ERI1: variants seen among roughly 807,000 people sequenced by gnomAD.
The protein encoded by ERI1 is 3'-5' exoribonuclease 1.
ERI1 carries 39 observed loss-of-function variants against 39.7 expected under a neutral mutation model. That is an observed-to-expected ratio of 0.98 (90% CI 0.76 to 1.28). The LOEUF is 1.28. Among genes scored for constraint, ERI1 ranks in the 50% most tolerant of loss-of-function variants. The probability of loss-of-function intolerance (pLI) is 0.00; values close to 1 mark genes in which losing one functional copy is unlikely to be tolerated. For missense variants in ERI1, 581 were observed against 416.9 expected, an observed-to-expected ratio of 1.39 and a Z score of -3.43; for synonymous variants, 204 against 149.6, an observed-to-expected ratio of 1.36 and a Z score of -2.65.
intron 3 of ERI1, among the ~76,000 whole-genome samples, chr8:9,077,755 G>A (rs1448304350): frequency 3.3e-5 from 5 of 152,210 alleles, no homozygotes; most frequent in African/African-American, 1.2e-4. Context: ...TTCCTCTGGA[G>A]GAACTCCCCT....
At chr8:9,015,446 C>A (rs145216393) in intron 3 of ERI1, among the ~76,000 whole-genome samples, 8 of 152,136 alleles carry the variant, frequency 5.3e-5, no homozygotes, top group Non-Finnish European at 8.8e-5. Flanking sequence ...GAGATCGGAG[C>A]CTGATAACAA....
intron 3 of ERI1, among the ~76,000 whole-genome samples, chr8:9,094,867 C>T (rs1456041564): frequency 2.0e-5 from 3 of 152,148 alleles, no homozygotes; most frequent in East Asian, 1.9e-4. Flanking sequence ...TTTAAAAAAA[C>T]GTAATCCTTT....
chr8:9,005,846 A>T (rs1815959725), intron 1 of ERI1, among the ~76,000 whole-genome samples: 1 of 152,222 alleles, frequency 6.6e-6, no homozygotes, highest in South Asian at 2.1e-4. Flanking sequence ...TCTGTTTGGT[A>T]TAGAAGATTT....
intron 3 of ERI1, among the ~76,000 whole-genome samples, chr8:9,082,330 G>A (rs1328116900): frequency 2.0e-5 from 3 of 152,148 alleles, no homozygotes; most frequent in African/African-American, 4.8e-5. Context: ...TCTGGCTCAC[G>A]TCCAGTAGAC....
At chr8:9,041,502 C>G (rs1798017310) in intron 3 of ERI1, among the ~76,000 whole-genome samples, 1 of 152,098 alleles carries the variant, frequency 6.6e-6, no homozygotes, top group Non-Finnish European at 1.5e-5. Flanking sequence ...CTGACTACAA[C>G]GGAATTAAAC....
chr8:9,088,323 C>A (rs1460240601), intron 3 of ERI1: 1 of 152,018 alleles, frequency 6.6e-6, no homozygotes, highest in African/African-American at 2.4e-5. Context: ...ATTAGCCATT[C>A]ACTGACTCAA....
intron 6 of ERI1, among the ~76,000 whole-genome samples, chr8:9,022,527 G>C (rs981353788): frequency 3.9e-5 from 6 of 152,096 alleles, no homozygotes; most frequent in African/African-American, 1.2e-4. Context: ...AGCATCCCGA[G>C]TAGCTGGGAC....
chr8:9,089,470 G>T (rs1481805732), intron 3 of ERI1, among the ~76,000 whole-genome samples: 2 of 152,050 alleles, frequency 1.3e-5, no homozygotes, highest in South Asian at 4.1e-4. Flanking sequence ...TGGACACAAG[G>T]GTTTGCAAAG....
chr8:9,007,711 C>T (rs1208912967), intron 1 of ERI1, among the ~76,000 whole-genome samples: 2 of 152,140 alleles, frequency 1.3e-5, no homozygotes, highest in Admixed American at 6.5e-5. Context: ...TTGACTCCCA[C>T]CACCAGTCTT....
At chr8:9,094,083 TAAC>T (rs1172176492) in intron 3 of ERI1, among the ~76,000 whole-genome samples, 6 of 152,194 alleles carry the variant, frequency 3.9e-5, no homozygotes, top group African/African-American at 1.4e-4. Context: ...TTTTTAATAA[TAAC>T]AAGTATAGTA....
intron 3 of ERI1, among the ~76,000 whole-genome samples, chr8:9,063,047 C>T (rs1309046587): frequency 6.6e-6 from 1 of 152,234 alleles, no homozygotes; most frequent in Middle Eastern, 3.4e-3. Context: ...TACTTGGCTG[C>T]CTCTACTTTA....
intron 4 of ERI1, among the ~76,000 whole-genome samples, chr8:9,016,887 A>T (rs1444010654): frequency 6.6e-6 from 1 of 152,018 alleles, no homozygotes; most frequent in South Asian, 2.1e-4. Flanking sequence ...TGGTTTCGCC[A>T]TATTGGCCAG....
rs1244157791 is a variant in ERI1, at chr8:9,032,178, G to T, written c.*2144G>T. ...TGCTTTTTACTCTGACTTTTATTGT[G>T]TTGTCTTTGAAAGACAAATAGTACA... On this transcript the variant is annotated 3_prime_UTR_variant, in exon 7 of 7. Transcript: ENST00000250263. 6.6e-6 allele frequency: 1 copy of T among 152,192 alleles called. No homozygotes were observed. The highest frequency in any genetic ancestry group is 6.5e-5 in the Admixed American group (1 of 15,278). The allele number at this position is 152,192 out of a possible 1,614,324, so 9.4% of individuals were successfully genotyped here.
chr8:9,058,987 A>G (rs3989377), intron 3 of ERI1, among the ~76,000 whole-genome samples: 3 of 152,122 alleles, frequency 2.0e-5, no homozygotes, highest in Non-Finnish European at 4.4e-5. Flanking sequence ...TCACCTGGGT[A>G]CAGGTGGGCT....
At chr8:9,079,859 C>T (rs1563093116) in intron 3 of ERI1, among the ~76,000 whole-genome samples, 1 of 151,938 alleles carries the variant, frequency 6.6e-6, no homozygotes, top group South Asian at 2.1e-4. Context: ...TTTGTAGACA[C>T]GAGGTTTTGC....
intron 3 of ERI1, among the ~76,000 whole-genome samples, chr8:9,081,604 T>C (rs1228275079): frequency 6.6e-6 from 1 of 152,016 alleles, no homozygotes; most frequent in Non-Finnish European, 1.5e-5. Flanking sequence ...TTTCTATGGC[T>C]CTCAGAATTC....
intron 3 of ERI1, among the ~76,000 whole-genome samples, chr8:9,091,050 A>C (rs887910029): frequency 6.6e-6 from 1 of 152,232 alleles, no homozygotes; most frequent in East Asian, 1.9e-4. Flanking sequence ...CCAAAAATCA[A>C]CAGTCTTTAT....
intron 1 of ERI1, 46 bp downstream of exon 1, chr8:9,003,217 C>T (rs1585173388): frequency 8.7e-7 from 1 of 1,150,182 alleles, no homozygotes; most frequent in Non-Finnish European, 1.1e-6. Context: ...GCTGCCCCGT[C>T]CCCAAAGCGC....
chr8:9,075,668 CA>C (rs1375766055), intron 3 of ERI1, among the ~76,000 whole-genome samples: 1 of 152,016 alleles, frequency 6.6e-6, no homozygotes, highest in East Asian at 1.9e-4. Context: ...GTGCACACAT[CA>C]ACCACAGACA....
Sources: allele counts gnomAD v4.1 joint callset (sites outside exome capture counted in the v4.1 genomes callset), GRCh38; gene constraint gnomAD v4.1.1; transcripts MANE v1.5; gene names NCBI Gene and HGNC (gene_info 2026-07-23, HGNC 2026-07-21).